SCN3A: variants seen among roughly 807,000 people sequenced by gnomAD.
The protein encoded by SCN3A is sodium voltage-gated channel alpha subunit 3, also known as sodium channel protein type 3 subunit alpha.
In SCN3A, 60 loss-of-function variants were observed where a neutral mutation model predicts 187.6. That is an observed-to-expected ratio of 0.32 (90% CI 0.26 to 0.40). The LOEUF (loss-of-function observed/expected upper bound fraction) is 0.40, where lower values mean the gene tolerates loss of function less well. Ranked by LOEUF, SCN3A falls within the 10% of genes least tolerant of loss-of-function variation. The pLI is 1.00. For missense variants in SCN3A, 1,601 were observed against 2,428.2 expected (o/e 0.66, Z 7.16); for synonymous variants, 788 against 829.2 (o/e 0.95, Z 0.85).
At chr2:165,124,039 T>G (rs193078645) in intron 18 of SCN3A, among the ~76,000 whole-genome samples, 139 of 152,230 alleles carry the variant, frequency 9.1e-4, no homozygotes, top group Middle Eastern at 3.4e-3. Context: ...TATACCTTTA[T>G]ATTTGTTTAG....
intron 18 of SCN3A, 51 bp from the exon 19 acceptor site, chr2:165,115,626 C>T: frequency 6.3e-7 from 1 of 1,575,840 alleles, no homozygotes; most frequent in Non-Finnish European, 8.7e-7. Flanking sequence ...TTTTATTTAA[C>T]TAACTGGGAA....
At chr2:165,164,939 T>C (rs553120366) in intron 5 of SCN3A, among the ~76,000 whole-genome samples, 11 of 152,220 alleles carry the variant, frequency 7.2e-5, no homozygotes, top group Admixed American at 7.2e-4. Flanking sequence ...AACCAATATA[T>C]CTAAAATATG....
chr2:165,088,429 G>A lies in SCN3A; in HGVS notation c.*1721C>T, dbSNP rs76576164. ...AAAAAAATAAGACTAGTCTGCATAC[G>A]TAAATACTACAAAAGTTGAATAAAA... On this transcript the variant is annotated 3_prime_UTR_variant, in exon 28 of 28. Coordinates refer to ENST00000283254, the MANE Select transcript of SCN3A (RefSeq NM_006922.4). 2.5e-3 allele frequency: 388 copies of A among 152,306 alleles called. 5 individuals are homozygous for A. Among genetic ancestry groups the A allele is most frequent in the African/African-American group, 8.8e-3 (366 of 41,450 alleles). 9.4% of individuals were successfully genotyped at this position (152,306 alleles called of 1,614,324 possible).
chr2:165,090,747 G>A lies in SCN3A; in HGVS notation c.5406C>T (p.Pro1802=), dbSNP rs749926517. Residue 1802 remains proline (P), a synonymous_variant, in exon 28 of 28, where the codon CCC becomes CCT. Transcript: ENST00000283254. This position sits in a 1 kb window ranked among gnomAD's most constrained non-coding sequence, Gnocchi z 4.0. ...AGAACTCTATAAACTGGGTCGCATCGGGATCAAACTTTTCCCAAACCTCAT... is the reference window on the plus strand; with the variant it reads ...AGAACTCTATAAACTGGGTCGCATCAGGATCAAACTTTTCCCAAACCTCAT... ...MFYEVWEKFD[P]DATQFIEFSK... The A allele has an allele frequency of 9.9e-6, 16 of 1,613,988 alleles. No individual in the cohort carries two copies. The highest frequency in any genetic ancestry group is 4.4e-5 in the South Asian group (4 of 91,080).
At chr2:165,153,308 T>C (rs768986518) in intron 11 of SCN3A, among the ~76,000 whole-genome samples, 19 of 152,280 alleles carry the variant, frequency 1.2e-4, no homozygotes, top group Admixed American at 9.8e-4. Context: ...ATGGGTTATT[T>C]ACCTAAATAT....
chr2:165,164,455 A>G lies in SCN3A; in HGVS notation c.539T>C (p.Leu180Ser), dbSNP rs1194669092. The change falls in exon 6 of 28, where the codon TTA becomes TCA. Residue 180 changes from leucine (L) to serine (S), a missense_variant. By Grantham distance (145) the Leu-to-Ser change is moderately radical (BLOSUM62 -2). This residue lies in a region of SCN3A where 122 missense variants were observed against 225.1 expected (regional missense o/e 0.54). Transcript: ENST00000283254. Reference protein sequence around the residue: ...LIKILARGFCLEDFTFLRDPW... With the variant: ...LIKILARGFCSEDFTFLRDPW... ...ATCACGAAGAAACGTAAAATCTTCT[A>G]AGCAAAACCCTCTTGCCAAGATTTT... 1 of 1,613,814 alleles carries G rather than the reference A, an allele frequency of 6.2e-7. No individual in the cohort carries two copies. The highest frequency in any genetic ancestry group is 8.5e-7 in the Non-Finnish European group (1 of 1,179,824).
In SCN3A at chr2:165,140,555, G is replaced by C. The variant is rs1687945187; in HGVS notation, c.2019+96C>G. 1 of 1,010,532 alleles carries C rather than the reference G, an allele frequency of 9.9e-7. No homozygotes were observed. Among genetic ancestry groups the C allele is most frequent in the African/African-American group, 1.6e-5 (1 of 63,072 alleles). 62.6% of individuals were successfully genotyped at this position (1,010,532 alleles called of 1,614,324 possible). A position where few individuals can be genotyped will look rare whatever the true frequency, so the allele number is the denominator to read the frequency against. On this transcript the variant is annotated intron_variant, in intron 13 of 27. Transcript: ENST00000283254. The surrounding 1 kb of genome is among the most constrained non-coding windows in gnomAD (Gnocchi z 4.2). ...TATTATTTTTACCAACTTTCATTTT[G>C]AGGAAGCAGGACGGTATGACAGCCT... is the stretch of plus-strand genomic sequence containing the variant.
chr2:165,139,671 C>A, intron 13 of SCN3A, 63 bp from the exon 14 acceptor site: 2 of 1,599,878 alleles, frequency 1.3e-6, no homozygotes, highest in Non-Finnish European at 1.7e-6. Context: ...CACCACATAG[C>A]ATTTCTTTGG....
At chr2:165,167,495 G>A (rs552710724) in intron 5 of SCN3A, among the ~76,000 whole-genome samples, 3 of 151,994 alleles carry the variant, frequency 2.0e-5, no homozygotes, top group South Asian at 4.1e-4. Context: ...TCTTATCTCC[G>A]ATTGTACATT....
At chr2:165,137,748 C>T (rs1357168812) in intron 15 of SCN3A, 131 bp downstream of exon 15, 5 of 757,556 alleles carry the variant, frequency 6.6e-6, no homozygotes, top group African/African-American at 1.7e-5. Flanking sequence ...CTGTAATATT[C>T]CTTAGATATT....
At chr2:165,157,006 G>A (rs1212116275) in intron 9 of SCN3A, among the ~76,000 whole-genome samples, 1 of 152,040 alleles carries the variant, frequency 6.6e-6, no homozygotes, top group Non-Finnish European at 1.5e-5. Context: ...CGCCTCCCAG[G>A]TTCACACCAT....
chr2:165,115,239 T>A (rs957575816), intron 19 of SCN3A, among the ~76,000 whole-genome samples: 59 of 151,556 alleles, frequency 3.9e-4, no homozygotes, highest in Non-Finnish European at 7.8e-4. Flanking sequence ...TTTCTTTATT[T>A]TTTTTTTTGT....
Position 165,090,563 on chromosome 2 carries a change from T to C in SCN3A, c.5590A>G (p.Ser1864Gly). The C allele has an allele frequency of 6.2e-7, 1 of 1,613,952 alleles. No homozygotes were observed. The highest frequency in any genetic ancestry group is 8.5e-7 in the Non-Finnish European group (1 of 1,179,982). Residue 1864 changes from serine (S) to glycine (G), a missense_variant, in exon 28 of 28, where the codon AGT (serine) becomes GGT (glycine). By Grantham distance (56) the Ser-to-Gly change is moderately conservative. Transcript: ENST00000283254. This position sits in a 1 kb window ranked among gnomAD's most constrained non-coding sequence, Gnocchi z 4.0. The stretch of plus-strand genomic sequence containing the variant: ...ATTCGAAGGGCATCCATCTCTCCAC[T>C]CTCACCCAAAACACGCTTTGTAAAG... ...FAFTKRVLGESGEMDALRIQM... is the reference protein window; with the variant it reads ...FAFTKRVLGEGGEMDALRIQM...
At chr2:165,103,800 G>C (rs1487608164) in intron 21 of SCN3A, among the ~76,000 whole-genome samples, 1 of 152,038 alleles carries the variant, frequency 6.6e-6, no homozygotes. Context: ...ACAAATAAAA[G>C]ATAAAAACTC....
rs60784212 is a variant in SCN3A, at chr2:165,136,432, C to T, written c.2391+1447G>A. On this transcript the variant is annotated intron_variant, in intron 15 of 27. Coordinates refer to ENST00000283254, the MANE Select transcript of SCN3A (RefSeq NM_006922.4). ...TGTTTATTGAGCACATGCTAGATGCCAGGCACAGTCTAGGTGCTTTCACAT... is the reference window on the plus strand; with the variant it reads ...TGTTTATTGAGCACATGCTAGATGCTAGGCACAGTCTAGGTGCTTTCACAT... 3.2e-3 allele frequency among the ~76,000 whole-genome samples: 485 copies of T among 152,250 alleles called. 3 individuals carry two copies. Among genetic ancestry groups the T allele is most frequent in the African/African-American group, 0.011 (460 of 41,548 alleles).
Position 165,091,192 on chromosome 2 carries a change from G to A in SCN3A, c.4961C>T (p.Ala1654Val). The A allele has an allele frequency of 6.2e-7, 1 of 1,614,098 alleles. No individual in the cohort carries two copies. Among genetic ancestry groups the A allele is most frequent in the Non-Finnish European group, 8.5e-7 (1 of 1,179,996 alleles). The change falls in exon 28 of 28, where the codon GCG (alanine) becomes GTG (valine). Residue 1654 changes from alanine (A) to valine (V), a missense_variant. Physicochemically the swap from Ala to Val is moderately conservative, Grantham distance 64 (BLOSUM62 0). Transcript: ENST00000283254. The stretch of plus-strand genomic sequence containing the variant: ...GAGCAGGAGGCCGATGTTAAACAAC[G>A]CAGGAAGGGACATCATCAAAGCAAA... Reference protein sequence around the residue: ...LLFALMMSLPALFNIGLLLFL... With the variant: ...LLFALMMSLPVLFNIGLLLFL...
intron 21 of SCN3A, among the ~76,000 whole-genome samples, chr2:165,106,813 G>A (rs1288351946): frequency 2.0e-5 from 3 of 152,172 alleles, no homozygotes; most frequent in Admixed American, 6.6e-5. Flanking sequence ...GAAAAAGAGT[G>A]ATGTAGGTCT....
In SCN3A at chr2:165,198,226, G is replaced by A. The variant is rs1040787744; in HGVS notation, c.-248+5597C>T. ...AATCAATGCTGCTAAGTATTGTGAT[G>A]ATGTTAATATTGGGAAGAAAACTAG... On this transcript the variant is annotated intron_variant, in intron 1 of 27. Coordinates refer to ENST00000283254, the MANE Select transcript of SCN3A (RefSeq NM_006922.4). Among the ~76,000 whole-genome samples, 4 of 151,942 alleles carry A rather than the reference G, an allele frequency of 2.6e-5. No individual in the cohort carries two copies. The East Asian group carries it at 5.8e-4, about 22-fold the overall frequency.
At chr2:165,183,364 T>A (rs1388332385) in intron 2 of SCN3A, among the ~76,000 whole-genome samples, 1 of 152,212 alleles carries the variant, frequency 6.6e-6, no homozygotes, top group Admixed American at 6.5e-5. Flanking sequence ...TATTATATGA[T>A]TTGCTCTAAA....
Sources: allele counts gnomAD v4.1 joint callset (sites outside exome capture counted in the v4.1 genomes callset), GRCh38; gene constraint gnomAD v4.1.1; regional missense constraint gnomAD v4.1.1; non-coding constraint Gnocchi (gnomAD v3.1); transcripts MANE v1.5; gene names NCBI Gene and HGNC (gene_info 2026-07-23, HGNC 2026-07-21).